ADAMTSL1: variants seen among roughly 807,000 people sequenced by gnomAD.
The protein encoded by ADAMTSL1 is ADAMTS-like protein 1.
ADAMTSL1 carries 126 observed loss-of-function variants against 201.8 expected under a neutral mutation model. That is an observed-to-expected ratio of 0.62 (90% CI 0.54 to 0.72). The LOEUF is 0.72. ADAMTSL1 is among the 30% of genes least tolerant of loss of function. ADAMTSL1 has a pLI of 0.00. For synonymous variants in ADAMTSL1, 1,121 were observed against 903.4 expected, an observed-to-expected ratio of 1.24 and a Z score of -4.32; for missense variants, 2,679 against 2,277.8, an observed-to-expected ratio of 1.18 and a Z score of -3.59.
At chr9:18,804,970 T>C (rs1470566206) in intron 20 of ADAMTSL1, among the ~76,000 whole-genome samples, 1 of 152,230 alleles carries the variant, frequency 6.6e-6, no homozygotes, top group Non-Finnish European at 1.5e-5. Context: ...ACTAAAATAT[T>C]ACCTTATACT....
intron 4 of ADAMTSL1, chr9:18,574,479 C>T: frequency 3.3e-6 from 2 of 604,482 alleles, no homozygotes; most frequent in African/African-American, 1.8e-5. Flanking sequence ...ATTTTTCTTT[C>T]CTTGAGTGTC....
intron 5 of ADAMTSL1, among the ~76,000 whole-genome samples, chr9:18,627,098 A>G (rs1365721050): frequency 6.6e-6 from 1 of 151,762 alleles, no homozygotes; most frequent in African/African-American, 2.4e-5. Flanking sequence ...CTCCCACTTC[A>G]GCCTCCCCAA....
At chr9:18,843,153 G>T (rs1462348722) in intron 23 of ADAMTSL1, among the ~76,000 whole-genome samples, 6 of 150,844 alleles carry the variant, frequency 4.0e-5, no homozygotes, top group Non-Finnish European at 8.8e-5. Flanking sequence ...AATTTGGCAT[G>T]ATTTTGCAGT....
chr9:18,019,987 C>T (rs1820414664), intron 1 of ADAMTSL1, among the ~76,000 whole-genome samples: 1 of 152,036 alleles, frequency 6.6e-6, no homozygotes, highest in African/African-American at 2.4e-5. Flanking sequence ...TATTTACTTC[C>T]ATTTGAACAC....
chr9:18,583,163 G>C (rs1231093742), intron 4 of ADAMTSL1, among the ~76,000 whole-genome samples: 1 of 152,186 alleles, frequency 6.6e-6, no homozygotes, highest in African/African-American at 2.4e-5. Flanking sequence ...AGCAACTTTG[G>C]AACTGGGTAA....
chr9:18,800,744 G>C (rs1588132721), intron 20 of ADAMTSL1, among the ~76,000 whole-genome samples: 2 of 152,276 alleles, frequency 1.3e-5, no homozygotes, highest in African/African-American at 4.8e-5. Flanking sequence ...AAGGATGGTG[G>C]TTGGACAGGT....
chr9:18,517,165 C>A (rs1401501845), intron 2 of ADAMTSL1, among the ~76,000 whole-genome samples: 2 of 152,110 alleles, frequency 1.3e-5, no homozygotes, highest in African/African-American at 2.4e-5. Flanking sequence ...AGATCATTTG[C>A]AAACCTTATG....
intron 2 of ADAMTSL1, among the ~76,000 whole-genome samples, chr9:18,418,423 C>A (rs1193147069): frequency 1.3e-5 from 2 of 151,976 alleles, no homozygotes; most frequent in Non-Finnish European, 2.9e-5. Context: ...ACAAAAGTAC[C>A]CCTATTTGCA....
intron 2 of ADAMTSL1, among the ~76,000 whole-genome samples, chr9:18,411,262 T>A (rs1818432180): frequency 6.6e-6 from 1 of 151,784 alleles, no homozygotes; most frequent in Non-Finnish European, 1.5e-5. Context: ...AATGGTGCAA[T>A]CTCGACTCAC....
At chr9:18,674,746 T>C (rs1259563753) in intron 9 of ADAMTSL1, among the ~76,000 whole-genome samples, 1 of 151,216 alleles carries the variant, frequency 6.6e-6, no homozygotes, top group African/African-American at 2.4e-5. Context: ...AATACATGAG[T>C]TCCTTCAATA....
chr9:18,069,368 C>A (rs1822852114), intron 1 of ADAMTSL1, among the ~76,000 whole-genome samples: 1 of 152,090 alleles, frequency 6.6e-6, no homozygotes, highest in Non-Finnish European at 1.5e-5. Context: ...ACATTTTACT[C>A]ACAATAAGAA....
chr9:18,100,390 C>G (rs1824462378), intron 1 of ADAMTSL1, among the ~76,000 whole-genome samples: 1 of 152,168 alleles, frequency 6.6e-6, no homozygotes, highest in African/African-American at 2.4e-5. Flanking sequence ...AAGCAATTCT[C>G]CTGCCTCAGC....
At position 18,308,851 on chromosome 9, in the gene ADAMTSL1, C is replaced by A. The variant is rs142713699; in HGVS notation, c.207+144870C>A. Among the ~76,000 whole-genome samples the A allele has an allele frequency of 3.2e-4, 48 of 152,274 alleles. No homozygotes were observed. The East Asian group carries it at 4.4e-3, about 14-fold the overall frequency. ...ACTCATTTTATGAGGCCGGCATCAT[C>A]CTGAAACCAAACCTGGCAGAGACAT... On this transcript the variant is annotated intron_variant, in intron 2 of 29. Transcript: ENST00000680146.
intron 14 of ADAMTSL1, among the ~76,000 whole-genome samples, chr9:18,713,837 A>T (rs1832752185): frequency 6.8e-6 from 1 of 146,948 alleles, no homozygotes; most frequent in South Asian, 2.2e-4. Context: ...AAAATTGACC[A>T]CATACTGGGA....
At chr9:18,080,347 A>G (rs780774478) in intron 1 of ADAMTSL1, among the ~76,000 whole-genome samples, 1 of 152,200 alleles carries the variant, frequency 6.6e-6, no homozygotes, top group Non-Finnish European at 1.5e-5. Context: ...AGGATGGTAC[A>G]GAAGTGGAAA....
At chr9:17,939,318 C>T (rs1755291) in intron 1 of ADAMTSL1, among the ~76,000 whole-genome samples, 132,021 of 151,458 alleles carry the variant, frequency 0.87, 57,638 homozygotes, top group East Asian at 0.94. Flanking sequence ...TTAACTCTCA[C>T]AACCACCATC....
chr9:18,659,379 T>A (rs1351571397), intron 8 of ADAMTSL1, among the ~76,000 whole-genome samples: 1 of 152,234 alleles, frequency 6.6e-6, no homozygotes, highest in Non-Finnish European at 1.5e-5. Context: ...CATGAAGTAC[T>A]TTTACTCAGT....
At chr9:18,867,140 A>G (rs1421101246) in intron 23 of ADAMTSL1, among the ~76,000 whole-genome samples, 1 of 152,232 alleles carries the variant, frequency 6.6e-6, no homozygotes, top group Non-Finnish European at 1.5e-5. Context: ...GAGGACAGAT[A>G]TGAAGGGACT....
chr9:18,734,130 T>C (rs1381145101), intron 15 of ADAMTSL1, among the ~76,000 whole-genome samples: 2 of 152,200 alleles, frequency 1.3e-5, no homozygotes, highest in East Asian at 3.9e-4. Flanking sequence ...TTTCTTCCTC[T>C]TTAACCCCAG....
Sources: allele counts gnomAD v4.1 joint callset (sites outside exome capture counted in the v4.1 genomes callset), GRCh38; gene constraint gnomAD v4.1.1; transcripts MANE v1.5; gene names NCBI Gene and HGNC (gene_info 2026-07-23, HGNC 2026-07-21).